GRIP1: variants seen among roughly 807,000 people sequenced by gnomAD.
GRIP1 encodes glutamate receptor interacting protein 1.
A neutral mutation model predicts 129.9 loss-of-function variants in GRIP1; 45 were observed. That is an observed-to-expected ratio of 0.35 (90% CI 0.27 to 0.44). The LOEUF (loss-of-function observed/expected upper bound fraction) is 0.44. GRIP1 is among the 20% of genes least tolerant of loss of function. The probability of loss-of-function intolerance (pLI) is 1.00; values close to 1 mark genes in which losing one functional copy is unlikely to be tolerated. For synonymous variants in GRIP1, 530 were observed against 520.8 expected (o/e 1.02, Z -0.24); for missense variants, 1,196 against 1,396.8 (o/e 0.86, Z 2.29).
intron 5 of GRIP1, among the ~76,000 whole-genome samples, chr12:66,523,718 G>A (rs1323296744): frequency 4.6e-5 from 7 of 152,042 alleles, no homozygotes; most frequent in African/African-American, 1.2e-4. Context: ...GCTCCAATTA[G>A]AAGACACAGA....
At chr12:66,432,655 T>A (rs767567842) in intron 13 of GRIP1, 27 bp from the exon 14 acceptor site, 2 of 1,287,192 alleles carry the variant, frequency 1.6e-6, no homozygotes, top group Non-Finnish European at 2.3e-6. Context: ...AAAGAATGTG[T>A]TAATAGAACA....
intron 1 of GRIP1, among the ~76,000 whole-genome samples, chr12:66,657,391 T>C (rs2033227435): frequency 6.6e-6 from 1 of 152,284 alleles, no homozygotes; most frequent in South Asian, 2.1e-4. Flanking sequence ...CCAATCCTCA[T>C]AACTGGACAG....
rs191031737 is a variant in GRIP1 at position 66,794,790 on chromosome 12, C to T, written c.-420+9263G>A. 4.2e-3 allele frequency among the ~76,000 whole-genome samples: 634 copies of T among 152,208 alleles called. 3 individuals carry two copies. Among genetic ancestry groups the T allele is most frequent in the African/African-American group, 0.014 (585 of 41,546 alleles). The stretch of plus-strand genomic sequence containing the variant: ...ATCATCTTCCAAATAGTGCTAAAAA[C>T]ACCATTACACAGAAGATTTGGAATT... On this transcript the variant is annotated intron_variant, in intron 1 of 4. Coordinates refer to the GRIP1 transcript ENST00000538373.
At chr12:66,866,191 GGGCACAGT>G (rs1181015027) in intron 1 of GRIP1, among the ~76,000 whole-genome samples, 1 of 152,166 alleles carries the variant, frequency 6.6e-6, no homozygotes, top group Non-Finnish European at 1.5e-5. Flanking sequence ...AGGGCAGGCT[GGGCACAGT>G]GGCTCATGCC....
intron 1 of GRIP1, among the ~76,000 whole-genome samples, chr12:66,691,066 A>G (rs2034967477): frequency 6.6e-6 from 1 of 152,204 alleles, no homozygotes; most frequent in Non-Finnish European, 1.5e-5. Flanking sequence ...GCTCAACCCA[A>G]GAAATACAAG....
intron 14 of GRIP1, among the ~76,000 whole-genome samples, chr12:66,423,106 A>C (rs891361964): frequency 6.6e-6 from 1 of 152,260 alleles, no homozygotes; most frequent in Non-Finnish European, 1.5e-5. Flanking sequence ...TTTTAAAAAA[A>C]TAGATGGGCA....
At chr12:66,665,074 G>A (rs1486464616) in intron 1 of GRIP1, among the ~76,000 whole-genome samples, 1 of 151,968 alleles carries the variant, frequency 6.6e-6, no homozygotes, top group African/African-American at 2.4e-5. Flanking sequence ...AGTGCAGTGG[G>A]GCGATCACTG....
intron 7 of GRIP1, among the ~76,000 whole-genome samples, chr12:66,487,725 T>C (rs1264826125): frequency 1.3e-5 from 2 of 152,226 alleles, no homozygotes; most frequent in Non-Finnish European, 2.9e-5. Context: ...TGGTATGCTC[T>C]GTTCAAGAGA....
intron 2 of GRIP1, among the ~76,000 whole-genome samples, chr12:66,584,388 C>T (rs1305725755): frequency 1.3e-5 from 2 of 151,570 alleles, no homozygotes; most frequent in African/African-American, 2.4e-5. Context: ...GCACATGTAC[C>T]CTAAAACTTA....
intron 7 of GRIP1, among the ~76,000 whole-genome samples, chr12:66,479,165 C>G (rs1293947682): frequency 1.3e-5 from 2 of 150,174 alleles, no homozygotes; most frequent in African/African-American, 2.4e-5. Context: ...AATAGATAGA[C>G]CACTAGCCAG....
intron 1 of GRIP1, among the ~76,000 whole-genome samples, chr12:66,630,056 T>TA (rs56306769): frequency 6.6e-6 from 1 of 151,716 alleles, no homozygotes; most frequent in Non-Finnish European, 1.5e-5. Context: ...GAAGAGAATA[T>TA]AAAAAAATTC....
chr12:66,730,306 C>T (rs1004551479), intron 1 of GRIP1, among the ~76,000 whole-genome samples: 1 of 152,160 alleles, frequency 6.6e-6, no homozygotes, highest in African/African-American at 2.4e-5. Context: ...GTATCTATCA[C>T]TAATGGCTAG....
intron 2 of GRIP1, among the ~76,000 whole-genome samples, chr12:66,579,841 T>C (rs2063301189): frequency 6.6e-6 from 1 of 150,610 alleles, no homozygotes; most frequent in Admixed American, 6.6e-5. Context: ...CTGCAGGATA[T>C]TATCCAGGAG....
chr12:66,952,828 C>G (rs2041779342), intron 1 of GRIP1, among the ~76,000 whole-genome samples: 1 of 152,124 alleles, frequency 6.6e-6, no homozygotes, highest in Admixed American at 6.6e-5. Context: ...TGATCCAGGC[C>G]TAGAATACTG....
At chr12:66,499,259 C>A (rs7974745) in intron 7 of GRIP1, among the ~76,000 whole-genome samples, 3,140 of 152,288 alleles carry the variant, frequency 0.021, 95 homozygotes, top group African/African-American at 0.072. Context: ...CATGTCATCA[C>A]AGCCCTTTCA....
chr12:66,743,944 A>T (rs1240260960), intron 1 of GRIP1, among the ~76,000 whole-genome samples: 2 of 152,194 alleles, frequency 1.3e-5, no homozygotes, highest in Non-Finnish European at 2.9e-5. Flanking sequence ...CAGATCCTAT[A>T]GCTGTACAGA....
chr12:66,915,060 C>T (rs983767301), intron 1 of GRIP1, among the ~76,000 whole-genome samples: 7 of 152,186 alleles, frequency 4.6e-5, no homozygotes, highest in African/African-American at 1.7e-4. Context: ...CCCAATTTAC[C>T]TGATCTTGAG....
intron 23 of GRIP1, among the ~76,000 whole-genome samples, chr12:66,358,750 C>T (rs1246806345): frequency 3.3e-5 from 5 of 152,228 alleles, no homozygotes; most frequent in Admixed American, 2.0e-4. Context: ...GCCACCACAC[C>T]TGGCCTATTC....
chr12:66,970,169 C>T (rs908929042), intron 1 of GRIP1, among the ~76,000 whole-genome samples: 2 of 152,046 alleles, frequency 1.3e-5, no homozygotes, highest in African/African-American at 4.8e-5. Context: ...GCAGTCTTGA[C>T]CTCCTGGGCT....
Sources: gnomAD v4.1 joint callset for allele counts (sites outside exome capture counted in the v4.1 genomes callset) on GRCh38, gnomAD v4.1.1 for gene constraint, MANE v1.5 for transcripts, NCBI Gene and HGNC (gene_info 2026-07-23, HGNC 2026-07-21) for gene names.